Variants in GALNT16 observed in about 807,000 individuals in gnomAD.
The protein encoded by GALNT16 is UDP-GalNAc:polypeptide N-acetylgalactosaminyltransferase-like protein 1.
A neutral mutation model predicts 76.1 loss-of-function variants in GALNT16; 40 were observed. The ratio of observed to expected loss-of-function variants is 0.53; its 90% CI spans 0.41 to 0.68. The LOEUF (loss-of-function observed/expected upper bound fraction) is 0.68, where lower values mean the gene tolerates loss of function less well. Among genes scored for constraint, GALNT16 ranks in the 30% least tolerant of loss-of-function variants. GALNT16 has a pLI of 0.00. For missense variants in GALNT16, 621 were observed against 731.9 expected (o/e 0.85, Z 1.75); for synonymous variants, 276 against 285.2 (o/e 0.97, Z 0.32).
At chr14:69,339,660 C>T in intron 11 of GALNT16, 41 bp downstream of exon 11, 3 of 1,237,084 alleles carry the variant, frequency 2.4e-6, no homozygotes, top group Non-Finnish European at 3.5e-6. Context: ...CCTCTACCCA[C>T]ATTAGCACAA....
At chr14:69,375,179 A>T in the GALNT16 span, among the ~76,000 whole-genome samples, 1 of 152,128 alleles carries the variant, frequency 6.6e-6, no homozygotes, top group Non-Finnish European at 1.5e-5. Context: ...CCTTGTTATG[A>T]AGTCTCCTTG....
intron 6 of GALNT16, among the ~76,000 whole-genome samples, chr14:69,329,141 T>G (rs141281220): frequency 1.7e-3 from 261 of 152,338 alleles, no homozygotes; most frequent in African/African-American, 6.2e-3. Context: ...GCAGATCACC[T>G]GAGATCGGGA....
At chr14:69,367,566 T>C in the GALNT16 span, among the ~76,000 whole-genome samples, 1 of 149,192 alleles carries the variant, frequency 6.7e-6, no homozygotes, top group Non-Finnish European at 1.5e-5. Flanking sequence ...ACCCAGTCTA[T>C]GGTACTTCGT....
At position 69,307,772 on chromosome 14, in the gene GALNT16, G is replaced by A. The variant is rs376202595; in HGVS notation, c.178-12939G>A. On this transcript the variant is annotated intron_variant, in intron 1 of 14. Coordinates refer to ENST00000448469, the MANE Select transcript of GALNT16 (RefSeq NM_001168368.2). ...AAATATGTTTTTTAATGGTCAAGAC[G>A]GAAAAGGAAATGGCACCAATTGCCC... Among the ~76,000 whole-genome samples the A allele has an allele frequency of 6.6e-5, 10 of 152,258 alleles. No individual in the cohort carries two copies. The East Asian group carries it at 1.2e-3, about 18-fold the overall frequency.
At chr14:69,380,052 A>G in the GALNT16 span, 1 of 152,150 alleles carries the variant, frequency 6.6e-6, no homozygotes, top group Non-Finnish European at 1.5e-5. Flanking sequence ...TGGTTTTTAA[A>G]CTTAAAATGA....
chr14:69,335,098 C>T (rs2045399915), intron 9 of GALNT16, among the ~76,000 whole-genome samples: 1 of 152,214 alleles, frequency 6.6e-6, no homozygotes. Context: ...GTATGCAGCT[C>T]CTTTACCAGA....
chr14:69,343,654 CTG>C (rs2045523590), intron 12 of GALNT16, among the ~76,000 whole-genome samples: 1 of 152,260 alleles, frequency 6.6e-6, no homozygotes, highest in Non-Finnish European at 1.5e-5. Flanking sequence ...CTTCTTTACA[CTG>C]TGTCAGCGTT....
intron 1 of GALNT16, among the ~76,000 whole-genome samples, chr14:69,304,779 G>C (rs893958357): frequency 6.6e-6 from 1 of 152,174 alleles, no homozygotes; most frequent in African/African-American, 2.4e-5. Context: ...AGGTTCATCT[G>C]TGTTGTTGCA....
chr14:69,384,708 AACAAC>A, the GALNT16 span, among the ~76,000 whole-genome samples: 28,339 of 152,080 alleles, frequency 0.19, 2,720 homozygotes, highest in South Asian at 0.26. Flanking sequence ...TTCCTCAAAT[AACAAC>A]ACAAGTGACG....
chr14:69,306,796 A>G (rs1247377812), intron 1 of GALNT16, among the ~76,000 whole-genome samples: 1 of 152,232 alleles, frequency 6.6e-6, no homozygotes, highest in Admixed American at 6.5e-5. Context: ...AATGAAATAG[A>G]AGAGGCCATG....
rs144174026 is a variant in GALNT16, at chr14:69,352,611, GGA to G, written c.*447_*448del. 0.011 allele frequency: 1,743 copies of G among 157,200 alleles called. 32 individuals carry two copies. Among genetic ancestry groups the G allele is most frequent in the African/African-American group, 0.038 (1,595 of 41,626 alleles). 9.7% of individuals were successfully genotyped at this position (157,200 alleles called of 1,614,324 possible). Reference sequence around the variant, plus strand: ...CCAGGGGAAATTGGGCAGCATGGATGGAGAGGCTGAAGGCTGGGAAGAGGGAA... The same window carrying G: ...CCAGGGGAAATTGGGCAGCATGGATGGAGGCTGAAGGCTGGGAAGAGGGAA... On this transcript the variant is annotated 3_prime_UTR_variant, in exon 15 of 15. Transcript: ENST00000448469.
chr14:69,379,170 C>A, the GALNT16 span, among the ~76,000 whole-genome samples: 1 of 152,138 alleles, frequency 6.6e-6, no homozygotes, highest in Non-Finnish European at 1.5e-5. Context: ...GAACTCCTGA[C>A]CTCAAATAAT....
At chr14:69,271,469 C>T (rs1349738174) in intron 1 of GALNT16, among the ~76,000 whole-genome samples, 2 of 152,130 alleles carry the variant, frequency 1.3e-5, no homozygotes, top group East Asian at 1.9e-4. Context: ...CCCTGGGATC[C>T]CCGAAGCCAA....
At chr14:69,301,888 G>T (rs1393082092) in intron 1 of GALNT16, among the ~76,000 whole-genome samples, 1 of 152,164 alleles carries the variant, frequency 6.6e-6, no homozygotes, top group Non-Finnish European at 1.5e-5. Flanking sequence ...TACTCGGGAG[G>T]CTGAGGCAGG....
Position 69,261,986 on chromosome 14 carries a change from T to A in GALNT16, c.177+1519T>A, listed in dbSNP as rs1451261596. On this transcript the variant is annotated intron_variant, in intron 1 of 14. Transcript: ENST00000448469. The surrounding 1 kb of genome is among the most constrained non-coding windows in gnomAD (Gnocchi z 6.4). Reference sequence around the variant, plus strand: ...AGCCTCCTGTGCTGAGGCCCCAGAGTGTTGTGATCTGAGCAGAGGGACAGG... The same window carrying A: ...AGCCTCCTGTGCTGAGGCCCCAGAGAGTTGTGATCTGAGCAGAGGGACAGG... 1.3e-5 allele frequency among the ~76,000 whole-genome samples: 2 copies of A among 151,644 alleles called. No homozygotes were observed. Among genetic ancestry groups the A allele is most frequent in the African/African-American group, 4.9e-5 (2 of 41,218 alleles).
In GALNT16 at chr14:69,352,352, C is replaced by T. The variant is rs1402024872; in HGVS notation, c.*184C>T. On this transcript the variant is annotated 3_prime_UTR_variant, in exon 15 of 15. Coordinates refer to ENST00000448469, the MANE Select transcript of GALNT16 (RefSeq NM_001168368.2). The stretch of plus-strand genomic sequence containing the variant: ...TAGGAGGGCGCAGGCGGGCACGCCC[C>T]GATGCCCTCAGTGCTGTCCTGGCCT... 14 of 612,166 alleles carry T rather than the reference C, an allele frequency of 2.3e-5. No individual in the cohort carries two copies. Among genetic ancestry groups the T allele is most frequent in the African/African-American group, 3.7e-5 (2 of 54,012 alleles). The allele number at this position is 612,166 out of a possible 1,614,324, so 37.9% of individuals were successfully genotyped here.
Position 69,260,440 on chromosome 14 carries a change from C to T in GALNT16, c.150C>T (p.Leu50=). 4.5e-6 allele frequency: 7 copies of T among 1,570,580 alleles called. No homozygotes were observed. The highest frequency in any genetic ancestry group is 5.2e-6 in the Non-Finnish European group (6 of 1,157,446). Reference sequence around the variant, plus strand: ...GGGCAGGCAGGAGGTCGGAGCAGCTCCGCGAGGACCGCACCATCCCGCTCA... The same window carrying T: ...GGGCAGGCAGGAGGTCGGAGCAGCTTCGCGAGGACCGCACCATCCCGCTCA... ...AQRAGRRSEQ[L]REDRTIPLIV... Residue 50 remains leucine, a synonymous_variant, in exon 1 of 15, where the codon CTC becomes CTT. Transcript: ENST00000448469.
intron 1 of GALNT16, among the ~76,000 whole-genome samples, chr14:69,305,563 G>A (rs2044921400): frequency 6.6e-6 from 1 of 152,050 alleles, no homozygotes; most frequent in Non-Finnish European, 1.5e-5. Flanking sequence ...ATATTCTTTG[G>A]AGAAATGTCT....
At chr14:69,267,122 G>A (rs1014332647) in intron 1 of GALNT16, among the ~76,000 whole-genome samples, 3 of 152,216 alleles carry the variant, frequency 2.0e-5, no homozygotes, top group African/African-American at 7.2e-5. Flanking sequence ...GTTGCTGCCT[G>A]GGGCGGCGCT....
Sources: gnomAD v4.1 joint callset for allele counts (sites outside exome capture counted in the v4.1 genomes callset) on GRCh38, gnomAD v4.1.1 for gene constraint, Gnocchi (gnomAD v3.1) non-coding constraint, MANE v1.5 for transcripts, NCBI Gene and HGNC (gene_info 2026-07-23, HGNC 2026-07-21) for gene names.